Variants in TMEM132D observed in about 807,000 individuals in gnomAD.
The protein encoded by TMEM132D is transmembrane protein 132D, also known as mature OL transmembrane protein.
In TMEM132D, 21 loss-of-function variants were observed where a neutral mutation model predicts 62.3. The observed-to-expected ratio is 0.34, with a 90% CI of 0.24 to 0.49. The LOEUF is 0.49. TMEM132D is among the 20% of genes least tolerant of loss of function. The probability of loss-of-function intolerance (pLI) is 0.99; values close to 1 mark genes in which losing one functional copy is unlikely to be tolerated. For synonymous variants in TMEM132D, 621 were observed against 575.6 expected, an observed-to-expected ratio of 1.08 and a Z score of -1.13; for missense variants, 1,346 against 1,402.8, an observed-to-expected ratio of 0.96 and a Z score of 0.65.
chr12:129,305,717 A>G (rs1471367831), intron 4 of TMEM132D, among the ~76,000 whole-genome samples: 1 of 152,130 alleles, frequency 6.6e-6, no homozygotes, highest in Non-Finnish European at 1.5e-5. Context: ...TCTGAACCTC[A>G]GTTTTGCATC....
chr12:129,683,803 C>A (rs1269494313), intron 2 of TMEM132D, among the ~76,000 whole-genome samples: 1 of 152,196 alleles, frequency 6.6e-6, no homozygotes. Flanking sequence ...ACACATCTAT[C>A]CTTGCCCACT....
At chr12:129,589,681 T>G (rs265629) in intron 2 of TMEM132D, among the ~76,000 whole-genome samples, 90,603 of 151,922 alleles carry the variant, frequency 0.6, 27,212 homozygotes, top group East Asian at 0.65. Flanking sequence ...GCTTGATGAC[T>G]TGTGGGCAGG....
chr12:129,713,454 A>G (rs922258716), intron 1 of TMEM132D, among the ~76,000 whole-genome samples: 1 of 152,076 alleles, frequency 6.6e-6, no homozygotes, highest in African/African-American at 2.4e-5. Context: ...AGTGTATGCA[A>G]AGGAGCTTTG....
rs569551287 is a variant in TMEM132D, at chr12:129,250,613, C to T, written c.1300-40950G>A. On this transcript the variant is annotated intron_variant, in intron 4 of 8. Coordinates refer to ENST00000422113, the MANE Select transcript of TMEM132D (RefSeq NM_133448.3). ...TCCTTCCTCTTAGATAGAACATCCA[C>T]TCATGCTTAATACAATGTGTGATTC... Among the ~76,000 whole-genome samples, 9 of 152,280 alleles carry T rather than the reference C, an allele frequency of 5.9e-5. 1 individual carries two copies. In the East Asian group the frequency reaches 1.4e-3, roughly 23 times the overall value.
chr12:129,355,801 G>A (rs752650973), intron 3 of TMEM132D, among the ~76,000 whole-genome samples: 6 of 152,064 alleles, frequency 3.9e-5, no homozygotes. Context: ...TTTAGTTTCT[G>A]AAGTCTCCTT....
intron 1 of TMEM132D, among the ~76,000 whole-genome samples, chr12:129,866,432 G>C (rs768666849): frequency 7.0e-6 from 1 of 142,686 alleles, no homozygotes. Flanking sequence ...ATCACACACC[G>C]GGGCCTGTTG....
At chr12:129,531,491 T>C (rs563213343) in intron 2 of TMEM132D, among the ~76,000 whole-genome samples, 1 of 152,148 alleles carries the variant, frequency 6.6e-6, no homozygotes, top group Admixed American at 6.5e-5. Context: ...TATCTTTAAA[T>C]AAAGCCAAGC....
chr12:129,809,106 G>A (rs568608071), intron 1 of TMEM132D, among the ~76,000 whole-genome samples: 64 of 152,170 alleles, frequency 4.2e-4, no homozygotes, highest in Admixed American at 1.1e-3. Flanking sequence ...TCAGGTGTTC[G>A]AGACCAGCCT....
At chr12:129,559,844 C>T (rs1877165365) in intron 2 of TMEM132D, among the ~76,000 whole-genome samples, 1 of 152,088 alleles carries the variant, frequency 6.6e-6, no homozygotes, top group African/African-American at 2.4e-5. Context: ...TGCTTTCTGT[C>T]GTGTGAATCT....
chr12:129,247,368 C>G (rs567961188), intron 4 of TMEM132D, among the ~76,000 whole-genome samples: 2 of 152,190 alleles, frequency 1.3e-5, no homozygotes, highest in Non-Finnish European at 2.9e-5. Flanking sequence ...CTAGACCAAA[C>G]GCCCAACTTG....
chr12:129,711,690 G>A lies in TMEM132D; in HGVS notation c.80-10992C>T, dbSNP rs1181138172. ...TGGAGTGAGCCGAGATCGCGCCATT[G>A]CACTCCAGCCTTGGCAACAAGAGCG... On this transcript the variant is annotated intron_variant, in intron 1 of 8. Coordinates refer to ENST00000422113, the MANE Select transcript of TMEM132D (RefSeq NM_133448.3). Among the ~76,000 whole-genome samples, 2 of 141,802 alleles carry A rather than the reference G, an allele frequency of 1.4e-5. 1 individual carries two copies. The highest frequency in any genetic ancestry group is 5.4e-5 in the African/African-American group (2 of 37,084). The allele number at this position is 141,802 out of a possible 152,430, so 93.0% of individuals were successfully genotyped here.
intron 1 of TMEM132D, among the ~76,000 whole-genome samples, chr12:129,863,771 T>C (rs1261885475): frequency 6.6e-6 from 1 of 152,160 alleles, no homozygotes; most frequent in African/African-American, 2.4e-5. Context: ...TAGGTATTGT[T>C]TGTTTCTGTT....
chr12:129,789,172 G>C (rs191589684), intron 1 of TMEM132D, among the ~76,000 whole-genome samples: 6 of 152,232 alleles, frequency 3.9e-5, no homozygotes, highest in Admixed American at 3.9e-4. Flanking sequence ...CACCCGAGCA[G>C]TGTTCACTCT....
At chr12:129,537,857 G>A (rs1876446202) in intron 2 of TMEM132D, among the ~76,000 whole-genome samples, 1 of 152,170 alleles carries the variant, frequency 6.6e-6, no homozygotes, top group South Asian at 2.1e-4. Context: ...GTAACTGGTG[G>A]ATTAATAGAA....
chr12:129,329,685 G>A (rs537463620), intron 4 of TMEM132D, among the ~76,000 whole-genome samples: 1 of 152,272 alleles, frequency 6.6e-6, no homozygotes, highest in South Asian at 2.1e-4. Flanking sequence ...ATTCCAATGA[G>A]GGATAAGGCT....
intron 3 of TMEM132D, among the ~76,000 whole-genome samples, chr12:129,421,600 C>T (rs1235689938): frequency 6.6e-6 from 1 of 152,190 alleles, no homozygotes; most frequent in Non-Finnish European, 1.5e-5. Flanking sequence ...GATTAAGAAA[C>T]CTGAATCAAT....
In TMEM132D at chr12:129,603,462, T is replaced by C. The variant is rs866709964; in HGVS notation, c.969-72257A>G. On this transcript the variant is annotated intron_variant, in intron 2 of 8. Coordinates refer to ENST00000422113, the MANE Select transcript of TMEM132D (RefSeq NM_133448.3). Reference sequence around the variant, plus strand: ...TTTTTCTTTTGTAAGTTTTCCTCCATGTCTTTTCAGGGCCTGATAGCTCCC... The same window carrying C: ...TTTTTCTTTTGTAAGTTTTCCTCCACGTCTTTTCAGGGCCTGATAGCTCCC... Among the ~76,000 whole-genome samples, 22 of 152,334 alleles carry C rather than the reference T, an allele frequency of 1.4e-4. 1 individual carries two copies. Among genetic ancestry groups the C allele is most frequent in the Middle Eastern group, 3.4e-3 (1 of 294 alleles).
chr12:129,646,653 A>G (rs946947099), intron 2 of TMEM132D, among the ~76,000 whole-genome samples: 4 of 152,178 alleles, frequency 2.6e-5, no homozygotes, highest in African/African-American at 9.7e-5. Flanking sequence ...ACAATCATCA[A>G]CTTGCATTTA....
At position 129,089,243 on chromosome 12, in the gene TMEM132D, C is replaced by T. The variant is rs1284592541; in HGVS notation, c.1444-4541G>A. Among the ~76,000 whole-genome samples the T allele has an allele frequency of 5.0e-5, 2 of 40,216 alleles. 1 individual carries two copies. Among genetic ancestry groups the T allele is most frequent in the Non-Finnish European group, 8.1e-5 (2 of 24,766 alleles). 26.4% of individuals were successfully genotyped at this position (40,216 alleles called of 152,430 possible). Reference sequence around the variant, plus strand: ...GGTGTCCTCTATGACCGGGTGTCCTCCCTGACCGGGTGTCCTCCATGACCG... The same window carrying T: ...GGTGTCCTCTATGACCGGGTGTCCTTCCTGACCGGGTGTCCTCCATGACCG... On this transcript the variant is annotated intron_variant, in intron 5 of 8. Transcript: ENST00000422113.
Sources: gnomAD v4.1 joint callset for allele counts (sites outside exome capture counted in the v4.1 genomes callset) on GRCh38, gnomAD v4.1.1 for gene constraint, MANE v1.5 for transcripts, NCBI Gene and HGNC (gene_info 2026-07-23, HGNC 2026-07-21) for gene names.